Variants in POLR1C observed in about 807,000 individuals in gnomAD.
POLR1C encodes DNA-directed RNA polymerases I and III subunit RPAC1.
Under a neutral mutation model 38.3 loss-of-function variants are expected in POLR1C, and 42 were observed. The observed-to-expected ratio is 1.10, with a 90% CI of 0.86 to 1.42. The LOEUF is 1.42. POLR1C is among the 40% of genes most tolerant of loss of function. The pLI is 0.00. For synonymous variants in POLR1C, 163 were observed against 163.9 expected, an observed-to-expected ratio of 0.99 and a Z score of 0.04; for missense variants, 507 against 450.5, an observed-to-expected ratio of 1.13 and a Z score of -1.14.
rs1009649441 is a variant in POLR1C, at chr6:43,529,289, TC to T, written c.966del (p.Ser323AlafsTer29). 59 of 1,266,546 alleles carry T rather than the reference TC, an allele frequency of 4.7e-5. No individual in the cohort carries two copies. The highest frequency in any genetic ancestry group is 5.4e-5 in the Non-Finnish European group (51 of 945,590). 78.5% of individuals were successfully genotyped at this position (1,266,546 alleles called of 1,614,324 possible). On this transcript the variant is annotated frameshift_variant, in exon 9 of 9. Transcript: ENST00000304004. LOFTEE classifies it low-confidence loss of function (END_TRUNC). Reference sequence around the variant, plus strand: ...TGGCTGCGGTGGCTCACACCTGTAATCCCAGCACTTTGGGAGGCCAAGGCGA... The same window carrying T: ...TGGCTGCGGTGGCTCACACCTGTAATCCAGCACTTTGGGAGGCCAAGGCGA...
At chr6:43,519,919 C>T in intron 4 of POLR1C, 81 bp downstream of exon 4, 2 of 1,548,034 alleles carry the variant, frequency 1.3e-6, no homozygotes, top group Non-Finnish European at 1.8e-6. Flanking sequence ...AGTTACTTAT[C>T]TTTGTACATC....
intron 10 of POLR1C, chr6:43,555,593 T>A (rs1762036925): frequency 3.2e-6 from 1 of 314,468 alleles, no homozygotes; most frequent in Non-Finnish European, 5.7e-6. Flanking sequence ...CTGTTAGAAA[T>A]GGAAAATGAT....
chr6:43,549,119 T>C (rs1795106810), intron 9 of POLR1C, among the ~76,000 whole-genome samples: 1 of 152,186 alleles, frequency 6.6e-6, no homozygotes, highest in Non-Finnish European at 1.5e-5. Flanking sequence ...GCTGGAGCAA[T>C]GGCGTGATCT....
intron 9 of POLR1C, chr6:43,547,754 A>G (rs1233153736): frequency 1.3e-6 from 2 of 1,563,274 alleles, no homozygotes; most frequent in East Asian, 4.5e-5. Context: ...ACTTTAAACA[A>G]GGACAGTTTC....
chr6:43,543,652 C>A (rs1238829353), intron 9 of POLR1C, among the ~76,000 whole-genome samples: 1 of 151,866 alleles, frequency 6.6e-6, no homozygotes, highest in Non-Finnish European at 1.5e-5. Flanking sequence ...AAATGTTACA[C>A]TTCAAGATAA....
At chr6:43,555,724 G>T in intron 10 of POLR1C, 1 of 1,287,958 alleles carries the variant, frequency 7.8e-7, no homozygotes, top group Non-Finnish European at 1.0e-6. Context: ...AGCTATTTTT[G>T]AATAGTATAA....
rs551227900 is a variant in POLR1C at position 43,536,906 on chromosome 6, C to T, written c.*4+7547C>T. The stretch of plus-strand genomic sequence containing the variant: ...AAACAGACAATATGGTGTCTGTCCT[C>T]GACAACTCAACTCTGCATAGAAAGC... On this transcript the variant is annotated intron_variant, in intron 9 of 10. Coordinates refer to the POLR1C transcript ENST00000607635. Among the ~76,000 whole-genome samples, 14 of 151,376 alleles carry T rather than the reference C, an allele frequency of 9.2e-5. 1 individual carries two copies. Among genetic ancestry groups the T allele is most frequent in the East Asian group, 7.8e-4 (4 of 5,156 alleles).
At chr6:43,560,747 C>T (rs1455693028) in intron 10 of POLR1C, among the ~76,000 whole-genome samples, 3 of 152,142 alleles carry the variant, frequency 2.0e-5, no homozygotes, top group Non-Finnish European at 4.4e-5. Context: ...TAGACAAGTG[C>T]ACTGTTTGGC....
intron 3 of POLR1C, 127 bp downstream of exon 3, chr6:43,519,567 A>C: frequency 6.9e-7 from 1 of 1,442,730 alleles, no homozygotes; most frequent in Non-Finnish European, 9.8e-7. Flanking sequence ...TGAGCATTTT[A>C]CCTTCTCATT....
downstream of POLR1C, chr6:43,522,689 C>A (rs1290825397): frequency 4.1e-6 from 2 of 493,532 alleles, no homozygotes; most frequent in East Asian, 5.9e-5. Context: ...TAGCTTCAGT[C>A]CACTTCGGCT....
intron 9 of POLR1C, among the ~76,000 whole-genome samples, chr6:43,543,839 G>A (rs1027523995): frequency 6.6e-6 from 1 of 151,908 alleles, no homozygotes; most frequent in Non-Finnish European, 1.5e-5. Context: ...ACCATGCCTG[G>A]CTAATTTTTG....
chr6:43,534,510 C>G (rs1322642393), downstream of POLR1C, among the ~76,000 whole-genome samples: 1 of 152,172 alleles, frequency 6.6e-6, no homozygotes, highest in Non-Finnish European at 1.5e-5. Context: ...ACCAAAATGA[C>G]CTACCTGAGC....
chr6:43,546,070 T>C (rs7748977), intron 9 of POLR1C, among the ~76,000 whole-genome samples: 28,591 of 152,032 alleles, frequency 0.19, 5,742 homozygotes, highest in African/African-American at 0.51. Context: ...GAACCAAGGA[T>C]CTAGCAAACT....
chr6:43,534,357 C>G (rs1794183329), downstream of POLR1C, among the ~76,000 whole-genome samples: 1 of 152,198 alleles, frequency 6.6e-6, no homozygotes, highest in Admixed American at 6.5e-5. Context: ...GTGTGCAACA[C>G]TGTGGATTTA....
chr6:43,520,098 CAG>C lies in POLR1C; in HGVS notation c.416_417del (p.Gln139LeufsTer15). 6.2e-7 allele frequency: 1 copy of C among 1,614,214 alleles called. No homozygotes were observed. The highest frequency in any genetic ancestry group is 8.5e-7 in the Non-Finnish European group (1 of 1,180,024). On this transcript the variant is annotated frameshift_variant, in exon 5 of 9. Coordinates refer to ENST00000642195, the MANE Select transcript of POLR1C (RefSeq NM_203290.4). LOFTEE classifies it high-confidence loss of function. ...DEEGTEIDTL[Q>X]FRLQVRCTRN... ...AGAAGGCACAGAGATAGATACTCTA[CAG>C]TTTCGTCTCCAGGTCAGATGCACTC...
chr6:43,557,677 A>T (rs1330473469), intron 10 of POLR1C, among the ~76,000 whole-genome samples: 1 of 147,546 alleles, frequency 6.8e-6, no homozygotes, highest in East Asian at 2.1e-4. Context: ...TCTAAAATTG[A>T]TTGTGGTGAT....
downstream of POLR1C, among the ~76,000 whole-genome samples, chr6:43,530,385 C>T (rs61291202): frequency 3.4e-3 from 524 of 151,916 alleles, 3 homozygotes; most frequent in African/African-American, 0.012. Flanking sequence ...CATACCACTG[C>T]ACTCCAGCCT....
In POLR1C at chr6:43,521,234, C is replaced by G; in HGVS notation, c.975C>G (p.Ala325=). Residue 325 remains alanine (A), a synonymous_variant, in exon 9 of 9, where the codon GCC becomes GCG. Coordinates refer to ENST00000642195, the MANE Select transcript of POLR1C (RefSeq NM_203290.4). ...CACCAGATGTGCTGGTGAGTGAAGC[C>G]ATCAAAGTACTGATGGGGAAGTGCC... The part of the protein sequence containing the change: ...VLPPDVLVSE[A]IKVLMGKCRR... The G allele has an allele frequency of 6.2e-7, 1 of 1,613,764 alleles. No homozygotes were observed. Among genetic ancestry groups the G allele is most frequent in the African/African-American group, 1.3e-5 (1 of 75,022 alleles).
At chr6:43,534,999 A>AACAACAACAACAAC (rs1451970764) in intron 9 of POLR1C, among the ~76,000 whole-genome samples, 1 of 151,136 alleles carries the variant, frequency 6.6e-6, no homozygotes. Context: ...CATCTCAAAA[A>AACAACAACAACAAC]AACCCCCCAA....
Sources: gnomAD v4.1 joint callset for allele counts (sites outside exome capture counted in the v4.1 genomes callset) on GRCh38, gnomAD v4.1.1 for gene constraint, MANE v1.5 for transcripts, NCBI Gene and HGNC (gene_info 2026-07-23, HGNC 2026-07-21) for gene names.